The following CADM2 variants were observed in gnomAD, a reference collection of about 807,000 sequenced individuals.
CADM2 encodes immunoglobulin superfamily member 4D.
CADM2 carries 12 observed loss-of-function variants against 49.8 expected under a neutral mutation model. That is an observed-to-expected ratio of 0.24 (90% CI 0.15 to 0.39). The LOEUF (loss-of-function observed/expected upper bound fraction) is 0.39, where lower values mean the gene tolerates loss of function less well. Among genes scored for constraint, CADM2 ranks in the 10% least tolerant of loss-of-function variants. The pLI, the probability that CADM2 is intolerant of heterozygous loss-of-function variation, is 1.00. For missense variants in CADM2, 378 were observed against 492.3 expected (o/e 0.77, Z 2.20); for synonymous variants, 214 against 175.4 (o/e 1.22, Z -1.74).
Position 85,749,545 on chromosome 3 carries a change from G to A in CADM2, c.88+22997G>A, listed in dbSNP as rs116945285. On this transcript the variant is annotated intron_variant, in intron 2 of 9. Transcript: ENST00000383699. ...TACTTGCTCTAAATTGATACAACCC[G>A]GGATATATCTGTATCTTGGAACATT... Among the ~76,000 whole-genome samples, 9 of 151,776 alleles carry A rather than the reference G, an allele frequency of 5.9e-5. No homozygotes were observed. The East Asian group carries it at 7.8e-4, about 13-fold the overall frequency.
chr3:85,300,069 A>C (rs2044057570), intron 1 of CADM2, among the ~76,000 whole-genome samples: 1 of 152,086 alleles, frequency 6.6e-6, no homozygotes, highest in Non-Finnish European at 1.5e-5. Flanking sequence ...ATCTCATGGA[A>C]GGCATGAGTG....
In CADM2 at chr3:85,271,704, T is replaced by C. The variant is rs2043247214; in HGVS notation, c.61+312036T>C. Among the ~76,000 whole-genome samples, 3 of 150,882 alleles carry C rather than the reference T, an allele frequency of 2.0e-5. No individual in the cohort carries two copies. In the South Asian group the frequency reaches 6.2e-4, roughly 31 times the overall value. On this transcript the variant is annotated intron_variant, in intron 1 of 9. Coordinates refer to ENST00000383699, the MANE Select transcript of CADM2 (RefSeq NM_001167675.2). ...CCCAGACTTTAGAGCTTTATATATC[T>C]CTTAAATTAAAAAAAAATAAGTAAA...
chr3:85,397,759 G>A (rs2034866963), intron 1 of CADM2, among the ~76,000 whole-genome samples: 1 of 152,104 alleles, frequency 6.6e-6, no homozygotes, highest in African/African-American at 2.4e-5. Flanking sequence ...GGTTTATTGG[G>A]TACAGAGTTT....
intron 3 of CADM2, among the ~76,000 whole-genome samples, chr3:85,872,389 T>A (rs2075963043): frequency 6.6e-6 from 1 of 152,192 alleles, no homozygotes; most frequent in Non-Finnish European, 1.5e-5. Flanking sequence ...ACACAATGTG[T>A]TCTTTTATTG....
intron 1 of CADM2, among the ~76,000 whole-genome samples, chr3:85,428,938 C>A (rs2036545957): frequency 6.6e-6 from 1 of 151,582 alleles, no homozygotes; most frequent in Non-Finnish European, 1.5e-5. Context: ...ATTTTCAGGG[C>A]CACTAATAGT....
chr3:85,968,469 G>C (rs899223533), intron 8 of CADM2, among the ~76,000 whole-genome samples: 10 of 151,618 alleles, frequency 6.6e-5, no homozygotes, highest in Admixed American at 4.6e-4. Flanking sequence ...TAAAAATTCT[G>C]TTGAGAGATG....
At chr3:85,366,384 C>A (rs2032785106) in intron 1 of CADM2, among the ~76,000 whole-genome samples, 1 of 151,990 alleles carries the variant, frequency 6.6e-6, no homozygotes, top group Non-Finnish European at 1.5e-5. Context: ...CTGCAGAAGC[C>A]CAAACCATGT....
At chr3:85,060,213 C>T (rs2036252684) in intron 1 of CADM2, among the ~76,000 whole-genome samples, 3 of 152,154 alleles carry the variant, frequency 2.0e-5, no homozygotes, top group Non-Finnish European at 4.4e-5. Flanking sequence ...TCACTGCAAC[C>T]TCTGCCTGCC....
At chr3:85,310,629 T>G (rs2044319222) in intron 1 of CADM2, among the ~76,000 whole-genome samples, 1 of 152,342 alleles carries the variant, frequency 6.6e-6, no homozygotes, top group East Asian at 1.9e-4. Flanking sequence ...AAATATGTTC[T>G]GGAAAGCTAA....
chr3:85,114,648 G>A (rs914919658), intron 1 of CADM2, among the ~76,000 whole-genome samples: 2 of 152,080 alleles, frequency 1.3e-5, no homozygotes, highest in South Asian at 2.1e-4. Context: ...ACAGTTCAGT[G>A]AGCATCAGAT....
intron 1 of CADM2, among the ~76,000 whole-genome samples, chr3:85,597,692 C>T (rs2063283343): frequency 6.6e-6 from 1 of 151,920 alleles, no homozygotes; most frequent in African/African-American, 2.4e-5. Context: ...ACATTTTTGT[C>T]AAAAGTGCAT....
rs1354570716 is a variant in CADM2, at chr3:86,069,327, T to TA, written c.*2548dup. ...TAGAACTCTTATAAAACCAGTTAGCTAAAACAACTAGATTATTATACTAGT... is the reference window on the plus strand; with the variant it reads ...TAGAACTCTTATAAAACCAGTTAGCTAAAAACAACTAGATTATTATACTAGT... On this transcript the variant is annotated 3_prime_UTR_variant, in exon 10 of 10. Coordinates refer to ENST00000383699, the MANE Select transcript of CADM2 (RefSeq NM_001167675.2). 2 of 151,954 alleles carry TA rather than the reference T, an allele frequency of 1.3e-5. No homozygotes were observed. The highest frequency in any genetic ancestry group is 4.8e-5 in the African/African-American group (2 of 41,418). 9.4% of individuals were successfully genotyped at this position (151,954 alleles called of 1,614,324 possible).
chr3:85,485,309 G>T (rs945031614), intron 1 of CADM2, among the ~76,000 whole-genome samples: 14 of 151,762 alleles, frequency 9.2e-5, no homozygotes, highest in African/African-American at 3.1e-4. Context: ...TTACTATCAA[G>T]AAAAGATATT....
intron 1 of CADM2, among the ~76,000 whole-genome samples, chr3:85,153,244 G>T (rs560142310): frequency 6.6e-6 from 1 of 152,158 alleles, no homozygotes; most frequent in Non-Finnish European, 1.5e-5. Flanking sequence ...TGCGCGAGCC[G>T]AAGCAGGGCG....
chr3:85,415,234 A>T (rs939229180), intron 1 of CADM2, among the ~76,000 whole-genome samples: 1 of 152,118 alleles, frequency 6.6e-6, no homozygotes, highest in Non-Finnish European at 1.5e-5. Context: ...TATGAATTCT[A>T]AGACTATAGT....
Position 85,085,985 on chromosome 3 carries a change from C to T in CADM2, c.61+126317C>T, listed in dbSNP as rs188915354. On this transcript the variant is annotated intron_variant, in intron 1 of 9. Coordinates refer to ENST00000383699, the MANE Select transcript of CADM2 (RefSeq NM_001167675.2). ...TGCACATCGTCATAATGGGAAGAGT[C>T]TAGACTTGGATTTCATTTTTTGAAA... Among the ~76,000 whole-genome samples the T allele has an allele frequency of 2.6e-5, 4 of 152,198 alleles. No individual in the cohort carries two copies. In the East Asian group the frequency reaches 7.7e-4, roughly 29 times the overall value.
intron 3 of CADM2, among the ~76,000 whole-genome samples, chr3:85,828,721 TA>T (rs1413695432): frequency 1.3e-5 from 2 of 151,962 alleles, no homozygotes; most frequent in African/African-American, 4.8e-5. Context: ...TTTCTCTTAA[TA>T]TTCCATTTTA....
At chr3:85,206,311 C>CTTTT (rs546784330) in intron 1 of CADM2, among the ~76,000 whole-genome samples, 1 of 130,262 alleles carries the variant, frequency 7.7e-6, no homozygotes, top group Non-Finnish European at 1.7e-5. Flanking sequence ...TTTTTCTTTT[C>CTTTT]TTTTTTTTTT....
chr3:85,428,606 TA>T (rs2036526741), intron 1 of CADM2, among the ~76,000 whole-genome samples: 1 of 145,810 alleles, frequency 6.9e-6, no homozygotes, highest in African/African-American at 2.5e-5. Context: ...ATTTATTATA[TA>T]AAATATATAA....
Sources: gnomAD v4.1 joint callset for allele counts (sites outside exome capture counted in the v4.1 genomes callset) on GRCh38, gnomAD v4.1.1 for gene constraint, MANE v1.5 for transcripts, NCBI Gene and HGNC (gene_info 2026-07-23, HGNC 2026-07-21) for gene names.